The following RUNDC3B variants were observed in gnomAD, a reference collection of about 807,000 sequenced individuals.
The protein encoded by RUNDC3B is RUN domain containing 3B.
In RUNDC3B, 33 loss-of-function variants were observed where a neutral mutation model predicts 58.4. That is an observed-to-expected ratio of 0.56 (90% CI 0.43 to 0.75). The LOEUF (loss-of-function observed/expected upper bound fraction) is 0.75, where lower values mean the gene tolerates loss of function less well. Ranked by LOEUF, RUNDC3B falls within the 30% of genes least tolerant of loss-of-function variation. The pLI is 0.00. For missense variants in RUNDC3B, 501 were observed against 535.7 expected (o/e 0.94, Z 0.64); for synonymous variants, 193 against 195.2 (o/e 0.99, Z 0.10).
Position 87,716,339 on chromosome 7 carries a change from T to C in RUNDC3B, c.458+5684T>C, listed in dbSNP as rs543215046. 4.3e-4 allele frequency among the ~76,000 whole-genome samples: 66 copies of C among 152,318 alleles called. No individual in the cohort carries two copies. In the South Asian group the frequency reaches 9.3e-3, roughly 22 times the overall value. On this transcript the variant is annotated intron_variant, in intron 4 of 10. Transcript: ENST00000394654. Reference sequence around the variant, plus strand: ...AAGAGGAGCAAAGTTTGTTTTTCCCTGAAGATTTCCTGAGTGAGCTTTACA... The same window carrying C: ...AAGAGGAGCAAAGTTTGTTTTTCCCCGAAGATTTCCTGAGTGAGCTTTACA...
At chr7:87,786,224 A>G (rs1488894336) in intron 8 of RUNDC3B, among the ~76,000 whole-genome samples, 1 of 152,150 alleles carries the variant, frequency 6.6e-6, no homozygotes, top group Non-Finnish European at 1.5e-5. Flanking sequence ...CTGTCCCAGT[A>G]GCAGCCCAGC....
intron 2 of RUNDC3B, among the ~76,000 whole-genome samples, chr7:87,677,517 T>G (rs1826496781): frequency 1.3e-5 from 2 of 151,870 alleles, no homozygotes; most frequent in Admixed American, 1.3e-4. Flanking sequence ...TACCAGAGGC[T>G]GGGGGATAGG....
intron 2 of RUNDC3B, among the ~76,000 whole-genome samples, chr7:87,700,106 C>T (rs763578851): frequency 6.6e-6 from 1 of 151,762 alleles, no homozygotes; most frequent in African/African-American, 2.4e-5. Flanking sequence ...GCTATTTAAG[C>T]GACTGTATTA....
intron 8 of RUNDC3B, among the ~76,000 whole-genome samples, chr7:87,794,639 A>G (rs1407066767): frequency 2.7e-5 from 4 of 150,796 alleles, no homozygotes; most frequent in Non-Finnish European, 5.9e-5. Flanking sequence ...AAAAAAAAAA[A>G]CCTAACATTT....
Position 87,831,641 on chromosome 7 carries a change from G to A in RUNDC3B, c.*1611G>A, listed in dbSNP as rs769700500. On this transcript the variant is annotated 3_prime_UTR_variant, in exon 11 of 11. Coordinates refer to ENST00000394654, the MANE Select transcript of RUNDC3B (RefSeq NM_001134405.2). ...TTCTCAATTCTACATACCTGATTAT[G>A]AGTGAAGTATCCAAAGCAGGTTTTC... 1 of 151,892 alleles carries A rather than the reference G, an allele frequency of 6.6e-6. No individual in the cohort carries two copies. Among genetic ancestry groups the A allele is most frequent in the Non-Finnish European group, 1.5e-5 (1 of 67,868 alleles). The allele number at this position is 151,892 out of a possible 1,614,324, so 9.4% of individuals were successfully genotyped here. A position where few individuals can be genotyped will look rare whatever the true frequency, so the allele number is the denominator to read the frequency against.
intron 6 of RUNDC3B, among the ~76,000 whole-genome samples, chr7:87,767,387 T>C (rs578170068): frequency 6.6e-6 from 1 of 152,324 alleles, no homozygotes; most frequent in Non-Finnish European, 1.5e-5. Flanking sequence ...GTTAGGTATA[T>C]TGTCTAAGAT....
chr7:87,638,583 G>A (rs1340333137), intron 1 of RUNDC3B, among the ~76,000 whole-genome samples: 2 of 151,636 alleles, frequency 1.3e-5, no homozygotes, highest in Non-Finnish European at 2.9e-5. Flanking sequence ...GTTTTTCAAG[G>A]AACATACCTA....
intron 4 of RUNDC3B, among the ~76,000 whole-genome samples, chr7:87,735,012 G>A (rs1831843295): frequency 6.6e-6 from 1 of 151,906 alleles, no homozygotes; most frequent in Non-Finnish European, 1.5e-5. Flanking sequence ...CTCTCTTCCT[G>A]GAGTTTCGTC....
At chr7:87,708,801 A>G (rs1829825248) in intron 3 of RUNDC3B, among the ~76,000 whole-genome samples, 1 of 152,150 alleles carries the variant, frequency 6.6e-6, no homozygotes, top group Non-Finnish European at 1.5e-5. Flanking sequence ...TGCATAAAGT[A>G]GGGATAGTAT....
At position 87,701,909 on chromosome 7, in the gene RUNDC3B, C is replaced by T. The variant is rs1039658011; in HGVS notation, c.372+1355C>T. Among the ~76,000 whole-genome samples the T allele has an allele frequency of 7.9e-5, 12 of 151,850 alleles. 1 individual carries two copies. The East Asian group carries it at 2.3e-3, about 29-fold the overall frequency. On this transcript the variant is annotated intron_variant, in intron 3 of 10. Coordinates refer to ENST00000394654, the MANE Select transcript of RUNDC3B (RefSeq NM_001134405.2). ...CTGTAATCCCAGCACTTTGGGAGGC[C>T]GAGGCAGGCGGATCACGAGGTCAGG...
At chr7:87,777,733 A>AT (rs1834713748) in intron 7 of RUNDC3B, 65 bp from the exon 8 acceptor site, 1 of 1,325,334 alleles carries the variant, frequency 7.5e-7, no homozygotes. Flanking sequence ...GCTACTCAGC[A>AT]TTTATCTTCA....
intron 2 of RUNDC3B, among the ~76,000 whole-genome samples, chr7:87,690,660 A>T (rs1470267961): frequency 1.3e-5 from 2 of 152,090 alleles, no homozygotes; most frequent in African/African-American, 4.8e-5. Context: ...TCGCTGAAAA[A>T]TTTTCCTCCT....
Position 87,693,307 on chromosome 7 carries a change from A to G in RUNDC3B, c.239-7114A>G, listed in dbSNP as rs576337323. On this transcript the variant is annotated intron_variant, in intron 2 of 10. Coordinates refer to ENST00000394654, the MANE Select transcript of RUNDC3B (RefSeq NM_001134405.2). ...TTAGTCAACATTGGTTAAACTGACC[A>G]ACATTTTATATAATATCTAAGTGCT... Among the ~76,000 whole-genome samples, 4 of 152,324 alleles carry G rather than the reference A, an allele frequency of 2.6e-5. No individual in the cohort carries two copies. The South Asian group carries it at 8.3e-4, about 32-fold the overall frequency.
intron 2 of RUNDC3B, among the ~76,000 whole-genome samples, chr7:87,678,633 C>T (rs562028625): frequency 3.3e-5 from 5 of 152,010 alleles, no homozygotes; most frequent in Admixed American, 6.5e-5. Context: ...GGCCTAAGCA[C>T]TCCAATTAAA....
intron 8 of RUNDC3B, among the ~76,000 whole-genome samples, chr7:87,783,779 T>C (rs558666202): frequency 6.6e-6 from 1 of 152,230 alleles, no homozygotes; most frequent in African/African-American, 2.4e-5. Context: ...GGTGGGATAT[T>C]AAATTCTTGA....
intron 6 of RUNDC3B, among the ~76,000 whole-genome samples, chr7:87,743,097 G>C (rs1038519404): frequency 1.3e-5 from 2 of 150,268 alleles, no homozygotes; most frequent in Non-Finnish European, 3.0e-5. Context: ...CTGGGTGACA[G>C]AGCGAGATTC....
chr7:87,758,735 C>T lies in RUNDC3B; in HGVS notation c.630-11846C>T, dbSNP rs550213190. Among the ~76,000 whole-genome samples the T allele has an allele frequency of 2.6e-5, 4 of 152,212 alleles. No individual in the cohort carries two copies. The South Asian group carries it at 8.3e-4, about 32-fold the overall frequency. ...AACAGGTACGTGAAAAAGTGTACAA[C>T]GTCATTAATCAACAGAGAAATGCAA... On this transcript the variant is annotated intron_variant, in intron 6 of 10. Transcript: ENST00000394654.
At position 87,830,003 on chromosome 7, in the gene RUNDC3B, G is replaced by A. The variant is rs141715105; in HGVS notation, c.1344G>A (p.Met448Ile). The A allele has an allele frequency of 1.2e-6, 2 of 1,606,744 alleles. No individual in the cohort carries two copies. The highest frequency in any genetic ancestry group is 1.7e-6 in the Non-Finnish European group (2 of 1,176,514). The change falls in exon 11 of 11, where the codon ATG (methionine) becomes ATA (isoleucine). Residue 448 changes from methionine to isoleucine, a missense_variant. By Grantham distance (10) the Met-to-Ile change is conservative. Coordinates refer to ENST00000394654, the MANE Select transcript of RUNDC3B (RefSeq NM_001134405.2). Reference protein sequence around the residue: ...NDYLASPTTEMTSPGLTPS With the variant: ...NDYLASPTTEITSPGLTPS The stretch of plus-strand genomic sequence containing the variant: ...ACCTTGCAAGTCCTACAACAGAGAT[G>A]ACAAGTCCAGGCCTAACTCCATCCT...
At chr7:87,732,275 T>C (rs1385153253) in intron 4 of RUNDC3B, among the ~76,000 whole-genome samples, 2 of 152,136 alleles carry the variant, frequency 1.3e-5, no homozygotes, top group Non-Finnish European at 2.9e-5. Flanking sequence ...AGAATGTTTA[T>C]AGCAAGAAGT....
Sources: gnomAD v4.1 joint callset for allele counts (sites outside exome capture counted in the v4.1 genomes callset) on GRCh38, gnomAD v4.1.1 for gene constraint, MANE v1.5 for transcripts, NCBI Gene and HGNC (gene_info 2026-07-23, HGNC 2026-07-21) for gene names.